MICU3: variants seen among roughly 807,000 people sequenced by gnomAD.
The protein encoded by MICU3 is mitochondrial calcium uptake 3.
A neutral mutation model predicts 66.5 loss-of-function variants in MICU3; 62 were observed. The observed-to-expected ratio is 0.93, with a 90% CI of 0.76 to 1.15. The LOEUF (loss-of-function observed/expected upper bound fraction) is 1.15, where lower values mean the gene tolerates loss of function less well. Ranked by LOEUF, MICU3 falls within the 50% of genes most tolerant of loss-of-function variation. The pLI is 0.00. For synonymous variants in MICU3, 308 were observed against 240.7 expected (o/e 1.28, Z -2.59); for missense variants, 779 against 664.4 (o/e 1.17, Z -1.90).
At chr8:17,107,347 G>T (rs920013792) in intron 11 of MICU3, among the ~76,000 whole-genome samples, 2 of 152,142 alleles carry the variant, frequency 1.3e-5, no homozygotes, top group African/African-American at 4.8e-5. Flanking sequence ...CTAGACAGAG[G>T]TAACAGCAAA....
rs754629138 is a variant in MICU3 at position 17,085,342 on chromosome 8, T to C, written c.777+24T>C. On this transcript the variant is annotated intron_variant, in intron 6 of 14. Transcript: ENST00000318063. Reference sequence around the variant, plus strand: ...TGGTATGTATACTAGATGCTGCACTTTATCAATAATTAAATATTGCTTACT... The same window carrying C: ...TGGTATGTATACTAGATGCTGCACTCTATCAATAATTAAATATTGCTTACT... 7 of 1,354,282 alleles carry C rather than the reference T, an allele frequency of 5.2e-6. No individual in the cohort carries two copies. The African/African-American group carries it at 1.0e-4, about 20-fold the overall frequency. The allele number at this position is 1,354,282 out of a possible 1,614,324, so 83.9% of individuals were successfully genotyped here.
intron 3 of MICU3, among the ~76,000 whole-genome samples, chr8:17,076,030 T>C (rs1820340987): frequency 6.6e-6 from 1 of 152,136 alleles, no homozygotes; most frequent in Admixed American, 6.5e-5. Context: ...TTTTTAAGTT[T>C]TTTTATATTT....
At chr8:17,031,191 C>G (rs1811976651) in intron 1 of MICU3, among the ~76,000 whole-genome samples, 1 of 151,606 alleles carries the variant, frequency 6.6e-6, no homozygotes. Context: ...CCATTCCAGC[C>G]TAGGGGACAG....
At chr8:17,048,947 C>T (rs542508126) in intron 1 of MICU3, among the ~76,000 whole-genome samples, 1 of 152,242 alleles carries the variant, frequency 6.6e-6, no homozygotes, top group South Asian at 2.1e-4. Flanking sequence ...GGTGCATATA[C>T]TCTGTAATAT....
In MICU3 at chr8:17,069,677, GTTTAT is replaced by G. The variant is rs755186716; in HGVS notation, c.536-6_536-2del. The G allele has an allele frequency of 6.7e-7, 1 of 1,500,436 alleles. No individual in the cohort carries two copies. Among genetic ancestry groups the G allele is most frequent in the South Asian group, 1.3e-5 (1 of 77,588 alleles). The allele number at this position is 1,500,436 out of a possible 1,614,324, so 92.9% of individuals were successfully genotyped here. On this transcript the variant is annotated splice_region_variant and splice_polypyrimidine_tract_variant and intron_variant, in intron 2 of 14. Transcript: ENST00000318063. ...TTTATTATCTAATTATCTTACATTT[GTTTAT>G]TTTAGTTGCCAAAACTTGGAAGTCA...
intron 8 of MICU3, among the ~76,000 whole-genome samples, chr8:17,093,039 AG>A (rs995387505): frequency 1.3e-5 from 2 of 152,068 alleles, no homozygotes; most frequent in Non-Finnish European, 2.9e-5. Flanking sequence ...TCACTTTTAC[AG>A]TAGATGCTGC....
At chr8:17,112,447 C>G (rs1053254468) in intron 11 of MICU3, among the ~76,000 whole-genome samples, 2 of 152,134 alleles carry the variant, frequency 1.3e-5, no homozygotes, top group Non-Finnish European at 2.9e-5. Context: ...TTGTCTGCCC[C>G]TCTCTGACTG....
chr8:17,028,148 C>T (rs1195858804), intron 1 of MICU3, among the ~76,000 whole-genome samples: 1 of 152,128 alleles, frequency 6.6e-6, no homozygotes, highest in Non-Finnish European at 1.5e-5. Context: ...AAATGCTAAA[C>T]CTGCATGCTA....
intron 11 of MICU3, among the ~76,000 whole-genome samples, chr8:17,106,601 A>T (rs1178194140): frequency 6.6e-6 from 1 of 151,636 alleles, no homozygotes; most frequent in African/African-American, 2.4e-5. Flanking sequence ...TGTAACTTAA[A>T]AGGTTAAGTT....
At chr8:17,081,137 A>G (rs1821119201) in intron 4 of MICU3, among the ~76,000 whole-genome samples, 1 of 152,138 alleles carries the variant, frequency 6.6e-6, no homozygotes. Context: ...TAATTACAAT[A>G]AAAACTCCTC....
In MICU3 at chr8:17,074,055, G is replaced by GTTTTTTTTT. The variant is rs60252796; in HGVS notation, c.568-3725_568-3717dup. On this transcript the variant is annotated intron_variant, in intron 3 of 14. Coordinates refer to ENST00000318063, the MANE Select transcript of MICU3 (RefSeq NM_181723.3). ...TGGTGGAGTTTTCTTTTTCTTTTTGGTTTTTTTTTTTATTTTTTATTTTTA... is the reference window on the plus strand; with the variant it reads ...TGGTGGAGTTTTCTTTTTCTTTTTGGTTTTTTTTTTTTTTTTTTTTATTTTTTATTTTTA... Among the ~76,000 whole-genome samples, 3 of 146,968 alleles carry GTTTTTTTTT rather than the reference G, an allele frequency of 2.0e-5. No individual in the cohort carries two copies. The East Asian group carries it at 6.0e-4, about 29-fold the overall frequency.
intron 1 of MICU3, among the ~76,000 whole-genome samples, chr8:17,060,838 C>G: frequency 6.6e-6 from 1 of 151,010 alleles, no homozygotes; most frequent in African/African-American, 2.4e-5. Flanking sequence ...AAACCCTTTC[C>G]AAACTCCTTA....
intron 1 of MICU3, among the ~76,000 whole-genome samples, chr8:17,034,459 G>C (rs1412291704): frequency 6.6e-6 from 1 of 152,186 alleles, no homozygotes; most frequent in Non-Finnish European, 1.5e-5. Context: ...ATTTTGTAAG[G>C]CTATAGCTGC....
At chr8:17,075,417 G>C (rs1280983163) in intron 3 of MICU3, among the ~76,000 whole-genome samples, 1 of 152,080 alleles carries the variant, frequency 6.6e-6, no homozygotes, top group African/African-American at 2.4e-5. Context: ...CCCCTCCTGA[G>C]TCATCTCCTT....
intron 12 of MICU3, among the ~76,000 whole-genome samples, chr8:17,115,875 C>A (rs1159159809): frequency 6.6e-6 from 1 of 152,130 alleles, no homozygotes; most frequent in Admixed American, 6.6e-5. Flanking sequence ...GCCCTCCCAC[C>A]TCCCCGCCTG....
At position 17,111,789 on chromosome 8, in the gene MICU3, A is replaced by G. The variant is rs576684952; in HGVS notation, c.1258-2304A>G. ...TGAAGAAACAATTCCTTCCCCAATA[A>G]ATGATATTGACATCTATATTAGTTC... On this transcript the variant is annotated intron_variant, in intron 11 of 14. Transcript: ENST00000318063. Among the ~76,000 whole-genome samples, 64 of 152,282 alleles carry G rather than the reference A, an allele frequency of 4.2e-4. 1 individual carries two copies. The South Asian group carries it at 0.012, about 29-fold the overall frequency.
Position 17,118,718 on chromosome 8 carries a change from A to G in MICU3, c.1536A>G (p.Thr512=). Residue 512 remains threonine (T), a synonymous_variant, in exon 14 of 15, where the codon ACA becomes ACG. Transcript: ENST00000318063. ...CTTCTGTTTTACAGGGTTATAAAACAGTCCAGAAGTACCCCACTTTCAAAT... is the reference window on the plus strand; with the variant it reads ...CTTCTGTTTTACAGGGTTATAAAACGGTCCAGAAGTACCCCACTTTCAAAT... ...RLHRGFRGYK[T]VQKYPTFKSC... 3 of 1,610,022 alleles carry G rather than the reference A, an allele frequency of 1.9e-6. No individual in the cohort carries two copies. The highest frequency in any genetic ancestry group is 2.5e-6 in the Non-Finnish European group (3 of 1,176,672).
chr8:17,029,907 A>T (rs530174904), intron 1 of MICU3, among the ~76,000 whole-genome samples: 1 of 152,222 alleles, frequency 6.6e-6, no homozygotes, highest in East Asian at 1.9e-4. Flanking sequence ...GACAGATCCT[A>T]ATCTAATTCT....
intron 11 of MICU3, 64 bp downstream of exon 11, chr8:17,105,648 T>C: frequency 1.1e-6 from 1 of 925,906 alleles, no homozygotes. Context: ...CTAAAACACA[T>C]TGCCCTTTTG....
Sources: gnomAD v4.1 joint callset for allele counts (sites outside exome capture counted in the v4.1 genomes callset) on GRCh38, gnomAD v4.1.1 for gene constraint, MANE v1.5 for transcripts, NCBI Gene and HGNC (gene_info 2026-07-23, HGNC 2026-07-21) for gene names.